Variants in CFAP92 observed in about 807,000 individuals in gnomAD.
The protein encoded by CFAP92 is cilia and flagella associated protein 92 (putative), also known as uncharacterized protein CFAP92.
Under a neutral mutation model 106.3 loss-of-function variants are expected in CFAP92, and 86 were observed. The ratio of observed to expected loss-of-function variants is 0.81; its 90% CI spans 0.68 to 0.97. The LOEUF (loss-of-function observed/expected upper bound fraction) is 0.97, where lower values mean the gene tolerates loss of function less well. Among genes scored for constraint, CFAP92 ranks in the 50% least tolerant of loss-of-function variants. The pLI, the probability that CFAP92 is intolerant of heterozygous loss-of-function variation, is 0.00. For synonymous variants in CFAP92, 477 were observed against 506.4 expected, an observed-to-expected ratio of 0.94 and a Z score of 0.78; for missense variants, 1,204 against 1,283.8, an observed-to-expected ratio of 0.94 and a Z score of 0.95.
At chr3:129,004,296 T>A (rs1403659224), upstream of CFAP92, among the ~76,000 whole-genome samples, 1 of 151,962 alleles carries the variant, frequency 6.6e-6, no homozygotes, top group East Asian at 1.9e-4. Context: ...CATCCATTTA[T>A]CCATCCATCT....
At chr3:128,991,705 C>T (rs984258473) in intron 2 of CFAP92, 2 of 962,020 alleles carry the variant, frequency 2.1e-6, no homozygotes, top group Non-Finnish European at 2.5e-6. Flanking sequence ...CCAAGGCGTT[C>T]ATTGAAACAG....
chr3:128,912,437 C>G, intron 15 of CFAP92: 6 of 1,423,122 alleles, frequency 4.2e-6, no homozygotes, highest in Non-Finnish European at 4.9e-6. Context: ...GAAAAATGCC[C>G]CCACTTCAGC....
upstream of CFAP92, among the ~76,000 whole-genome samples, chr3:128,997,690 A>G (rs149714140): frequency 1.2e-4 from 18 of 152,312 alleles, no homozygotes; most frequent in African/African-American, 4.1e-4. Context: ...GACAGACCAC[A>G]GTTTGCCTAT....
chr3:128,997,814 C>G (rs746394678), upstream of CFAP92, among the ~76,000 whole-genome samples: 7 of 152,070 alleles, frequency 4.6e-5, no homozygotes, highest in Non-Finnish European at 1.0e-4. Context: ...TCTCTTGGGT[C>G]GATATCTAGG....
intron 10 of CFAP92, among the ~76,000 whole-genome samples, chr3:128,936,839 T>C (rs1464640208): frequency 1.3e-5 from 2 of 152,242 alleles, no homozygotes; most frequent in African/African-American, 4.8e-5. Flanking sequence ...ATAAAATTTT[T>C]AAATTTAGAG....
At chr3:128,922,136 G>A (rs570995769) in intron 12 of CFAP92, among the ~76,000 whole-genome samples, 55 of 152,056 alleles carry the variant, frequency 3.6e-4, no homozygotes, top group African/African-American at 1.3e-3. Flanking sequence ...TCAGGAGATC[G>A]AGACCATTCT....
chr3:128,925,560 C>T (rs1937589647), intron 12 of CFAP92, among the ~76,000 whole-genome samples: 1 of 152,110 alleles, frequency 6.6e-6, no homozygotes, highest in South Asian at 2.1e-4. Flanking sequence ...TAAGTAATAT[C>T]AGATGCAGAT....
intron 12 of CFAP92, 143 bp from the exon 13 acceptor site, chr3:128,916,414 A>G: frequency 1.7e-6 from 1 of 594,720 alleles, no homozygotes; most frequent in South Asian, 9.1e-5. Context: ...TTATTTCATC[A>G]TAGAACCAGG....
intron 1 of CFAP92, among the ~76,000 whole-genome samples, chr3:128,999,342 G>A (rs1944598279): frequency 6.6e-6 from 1 of 152,142 alleles, no homozygotes; most frequent in Non-Finnish European, 1.5e-5. Context: ...TCCCTGAGCT[G>A]TAGGGGAGTG....
intron 9 of CFAP92, among the ~76,000 whole-genome samples, chr3:128,956,647 T>A (rs1392177004): frequency 2.0e-5 from 3 of 151,654 alleles, no homozygotes; most frequent in Non-Finnish European, 4.4e-5. Flanking sequence ...GAAACTGTAG[T>A]GGTAAGAAGA....
At chr3:128,987,168 A>G (rs1324767718) in intron 4 of CFAP92, among the ~76,000 whole-genome samples, 2 of 152,198 alleles carry the variant, frequency 1.3e-5, no homozygotes, top group Non-Finnish European at 2.9e-5. Flanking sequence ...CTCGAAAGAA[A>G]AAAAAAGACT....
In CFAP92 at chr3:128,986,737, G is replaced by A. The variant is rs141300237; in HGVS notation, c.667+879C>T. Reference sequence around the variant, plus strand: ...TTTTCCTTTTTTGCAGATGAGAAACGTATGTTCAGGAACATGCCCAAGTCA... The same window carrying A: ...TTTTCCTTTTTTGCAGATGAGAAACATATGTTCAGGAACATGCCCAAGTCA... On this transcript the variant is annotated intron_variant, in intron 4 of 15. Coordinates refer to ENST00000645291, the MANE Select transcript of CFAP92 (RefSeq NM_001394090.1). 4.9e-3 allele frequency among the ~76,000 whole-genome samples: 741 copies of A among 152,240 alleles called. 8 individuals carry two copies. Among genetic ancestry groups the A allele is most frequent in the African/African-American group, 0.017 (704 of 41,546 alleles).
chr3:128,924,755 C>T (rs1230217392), intron 12 of CFAP92, among the ~76,000 whole-genome samples: 2 of 152,144 alleles, frequency 1.3e-5, no homozygotes, highest in East Asian at 3.8e-4. Context: ...CCGATTGTAT[C>T]TTAAACTAGA....
chr3:128,992,981 C>G, intron 2 of CFAP92, 62 bp downstream of exon 2: 1 of 1,593,520 alleles, frequency 6.3e-7, no homozygotes, highest in Non-Finnish European at 8.6e-7. Flanking sequence ...GCCCTAAACT[C>G]CTGCAGAAAG....
chr3:128,914,971 G>A, intron 15 of CFAP92, 148 bp downstream of exon 15: 1 of 736,440 alleles, frequency 1.4e-6, no homozygotes, highest in Admixed American at 2.9e-5. Context: ...TCTTTTTTCA[G>A]ACCCATTCTG....
In CFAP92 at chr3:128,933,038, T is replaced by A. The variant is rs111802379; in HGVS notation, c.2454-41A>T. ...ACTGCCCCACTGAACCTCTCCTACC[T>A]TGCAAGACAGGTGTAATCACTCCCA... is the stretch of plus-strand genomic sequence containing the variant. On this transcript the variant is annotated intron_variant, in intron 11 of 15. Coordinates refer to ENST00000645291, the MANE Select transcript of CFAP92 (RefSeq NM_001394090.1). 10,207 of 1,520,762 alleles carry A rather than the reference T, an allele frequency of 6.7e-3. 78 individuals carry two copies. Among genetic ancestry groups the A allele is most frequent in the African/African-American group, 0.032 (2,334 of 72,810 alleles). 94.2% of individuals were successfully genotyped at this position (1,520,762 alleles called of 1,614,324 possible).
intron 9 of CFAP92, among the ~76,000 whole-genome samples, chr3:128,956,770 A>G (rs1460708233): frequency 6.6e-6 from 1 of 152,078 alleles, no homozygotes; most frequent in Non-Finnish European, 1.5e-5. Context: ...ACCTGAGGTC[A>G]GGAGTTTGAC....
upstream of CFAP92, chr3:129,003,335 G>A (rs994883596): frequency 2.4e-5 from 23 of 959,556 alleles, no homozygotes; most frequent in Non-Finnish European, 2.4e-5. Flanking sequence ...TTAGGCTCTG[G>A]GAACACACCA....
chr3:128,967,984 C>G (rs1485359988), intron 8 of CFAP92: 1 of 152,244 alleles, frequency 6.6e-6, no homozygotes, highest in Non-Finnish European at 1.5e-5. Flanking sequence ...AGCCAAGTGT[C>G]CCCAGCAGAC....
Sources: allele counts gnomAD v4.1 joint callset (sites outside exome capture counted in the v4.1 genomes callset), GRCh38; gene constraint gnomAD v4.1.1; transcripts MANE v1.5; gene names NCBI Gene and HGNC (gene_info 2026-07-23, HGNC 2026-07-21).